Variants in PRKCQ observed in about 807,000 individuals in gnomAD.
PRKCQ encodes protein kinase C theta type.
PRKCQ carries 41 observed loss-of-function variants against 91.2 expected under a neutral mutation model. That is an observed-to-expected ratio of 0.45 (90% CI 0.35 to 0.58). PRKCQ has a LOEUF of 0.58. Ranked by LOEUF, PRKCQ falls within the 20% of genes least tolerant of loss-of-function variation. The pLI is 0.00. For synonymous variants in PRKCQ, 307 were observed against 316.9 expected, an observed-to-expected ratio of 0.97 and a Z score of 0.33; for missense variants, 673 against 896.5, an observed-to-expected ratio of 0.75 and a Z score of 3.18.
chr10:6,496,963 G>T (rs1044433482), intron 7 of PRKCQ, 72 bp downstream of exon 7: 1 of 1,370,906 alleles, frequency 7.3e-7, no homozygotes, highest in African/African-American at 1.4e-5. Context: ...TTATTCTGAA[G>T]AATTCGTGGG....
chr10:6,413,230 G>T, the PRKCQ span, among the ~76,000 whole-genome samples: 2 of 152,276 alleles, frequency 1.3e-5, no homozygotes, highest in South Asian at 4.1e-4. Context: ...GGGCTTACAG[G>T]CGTGAGCCAC....
At chr10:6,545,423 T>C (rs1258029324) in intron 1 of PRKCQ, among the ~76,000 whole-genome samples, 1 of 152,226 alleles carries the variant, frequency 6.6e-6, no homozygotes, top group Non-Finnish European at 1.5e-5. Context: ...AGGAAGGACG[T>C]GGTGACACCT....
intron 12 of PRKCQ, 74 bp from the exon 13 acceptor site, chr10:6,464,478 C>G: frequency 2.2e-5 from 28 of 1,254,004 alleles, no homozygotes; most frequent in Non-Finnish European, 3.0e-5. Context: ...AAGACAGGGT[C>G]TCACTCTGTC....
intron 12 of PRKCQ, among the ~76,000 whole-genome samples, chr10:6,474,702 GTTAA>G (rs764046824): frequency 7.9e-5 from 12 of 152,126 alleles, no homozygotes; most frequent in East Asian, 3.8e-4. Flanking sequence ...AAGTTTTATG[GTTAA>G]TTATTTTTTT....
intron 8 of PRKCQ, among the ~76,000 whole-genome samples, chr10:6,486,620 T>C (rs1195504424): frequency 1.3e-5 from 2 of 152,252 alleles, no homozygotes; most frequent in Admixed American, 6.5e-5. Flanking sequence ...CCAACAGAAC[T>C]GTAATACCGT....
intron 1 of PRKCQ, among the ~76,000 whole-genome samples, chr10:6,568,189 T>C (rs1187899685): frequency 6.6e-6 from 1 of 152,108 alleles, no homozygotes; most frequent in African/African-American, 2.4e-5. Context: ...CATTCCAGCC[T>C]GGGTGACAGA....
chr10:6,456,534 G>T, intron 15 of PRKCQ, 140 bp downstream of exon 15: 1 of 1,058,328 alleles, frequency 9.4e-7, no homozygotes, highest in Non-Finnish European at 1.3e-6. Flanking sequence ...ATGCATGGTG[G>T]CGTTTATGAG....
At chr10:6,578,504 G>C (rs1841325660) in intron 1 of PRKCQ, among the ~76,000 whole-genome samples, 1 of 152,230 alleles carries the variant, frequency 6.6e-6, no homozygotes, top group African/African-American at 2.4e-5. Flanking sequence ...AAGTTCATGA[G>C]AGGCAAGAAG....
chr10:6,479,965 A>ATAAATAAG (rs911787312), intron 11 of PRKCQ, among the ~76,000 whole-genome samples: 4 of 152,110 alleles, frequency 2.6e-5, no homozygotes, highest in Non-Finnish European at 5.9e-5. Context: ...ATAAAAAAAA[A>ATAAATAAG]TAAATAAGTA....
intron 1 of PRKCQ, among the ~76,000 whole-genome samples, chr10:6,544,253 A>G (rs1041344869): frequency 6.6e-6 from 1 of 152,144 alleles, no homozygotes; most frequent in African/African-American, 2.4e-5. Context: ...ACTACCTGAC[A>G]TCCATCCTGG....
intron 1 of PRKCQ, among the ~76,000 whole-genome samples, chr10:6,528,994 T>C (rs963949375): frequency 3.3e-5 from 5 of 152,312 alleles, no homozygotes; most frequent in East Asian, 1.9e-4. Context: ...TTGGGTGATA[T>C]AAACAGAGAT....
At chr10:6,531,534 T>C (rs1407653108) in intron 1 of PRKCQ, among the ~76,000 whole-genome samples, 2 of 151,194 alleles carry the variant, frequency 1.3e-5, no homozygotes, top group Admixed American at 6.6e-5. Flanking sequence ...TCTAAATAAA[T>C]GGCAATGCCG....
At chr10:6,537,540 T>C (rs889754310) in intron 1 of PRKCQ, among the ~76,000 whole-genome samples, 1 of 152,176 alleles carries the variant, frequency 6.6e-6, no homozygotes, top group East Asian at 1.9e-4. Flanking sequence ...CCAGAACCTC[T>C]TCCTTTCTCG....
At chr10:6,517,200 A>G (rs574593117) in intron 1 of PRKCQ, among the ~76,000 whole-genome samples, 42 of 152,276 alleles carry the variant, frequency 2.8e-4, no homozygotes, top group South Asian at 6.2e-4. Context: ...TGTAGTTCAG[A>G]GCACTTTTTA....
chr10:6,446,328 C>G (rs930522119), intron 15 of PRKCQ, among the ~76,000 whole-genome samples: 1 of 150,368 alleles, frequency 6.7e-6, no homozygotes, highest in African/African-American at 2.5e-5. Context: ...GGTTTTAAAC[C>G]TCAAGCTGTC....
chr10:6,479,911 C>A lies in PRKCQ; in HGVS notation c.1180-746G>T, dbSNP rs371036960. Reference sequence around the variant, plus strand: ...AGGTTGTGGTGAACTGAGATCATGCCACTGCACTCCAGCCTGGGCGTCAGA... The same window carrying A: ...AGGTTGTGGTGAACTGAGATCATGCAACTGCACTCCAGCCTGGGCGTCAGA... On this transcript the variant is annotated intron_variant, in intron 11 of 17. Transcript: ENST00000263125. Among the ~76,000 whole-genome samples the A allele has an allele frequency of 2.0e-5, 3 of 151,736 alleles. No individual in the cohort carries two copies. The East Asian group carries it at 5.8e-4, about 29-fold the overall frequency.
intron 1 of PRKCQ, among the ~76,000 whole-genome samples, chr10:6,560,492 A>G (rs556027713): frequency 6.6e-6 from 1 of 152,176 alleles, no homozygotes; most frequent in Non-Finnish European, 1.5e-5. Flanking sequence ...TCATGGAACC[A>G]TCAGGACAAA....
At chr10:6,501,213 A>G (rs547212352) in intron 4 of PRKCQ, among the ~76,000 whole-genome samples, 1 of 152,236 alleles carries the variant, frequency 6.6e-6, no homozygotes, top group South Asian at 2.1e-4. Context: ...AAAGAAACTG[A>G]TAAATATAAA....
intron 1 of PRKCQ, among the ~76,000 whole-genome samples, chr10:6,561,369 C>CGAA (rs1564394645): frequency 2.4e-5 from 2 of 82,638 alleles, no homozygotes; most frequent in Non-Finnish European, 4.5e-5. Context: ...GACCCTGTCT[C>CGAA]AAAAAAAAAA....
Sources: allele counts gnomAD v4.1 joint callset (sites outside exome capture counted in the v4.1 genomes callset), GRCh38; gene constraint gnomAD v4.1.1; transcripts MANE v1.5; gene names NCBI Gene and HGNC (gene_info 2026-07-23, HGNC 2026-07-21).